The following MACROH2A1 variants were observed in gnomAD, a reference collection of about 807,000 sequenced individuals.
MACROH2A1 encodes the protein core histone macro-H2A.1.
In MACROH2A1, 2 loss-of-function variants were observed where a neutral mutation model predicts 31.6. That is an observed-to-expected ratio of 0.06 (90% CI 0.03 to 0.20). The LOEUF is 0.20. MACROH2A1 is among the 10% of genes least tolerant of loss of function. The pLI, the probability that MACROH2A1 is intolerant of heterozygous loss-of-function variation, is 1.00. For synonymous variants in MACROH2A1, 169 were observed against 189.6 expected, an observed-to-expected ratio of 0.89 and a Z score of 0.89; for missense variants, 230 against 474.0, an observed-to-expected ratio of 0.49 and a Z score of 4.78.
intron 5 of MACROH2A1, 28 bp downstream of exon 5, chr5:135,360,469 A>G: frequency 1.4e-6 from 2 of 1,424,848 alleles, no homozygotes; most frequent in Middle Eastern, 1.8e-4. Flanking sequence ...GGGGCCCTCG[A>G]GTAGACTGAG....
rs150090570 is a variant in MACROH2A1, at chr5:135,338,585, G to A, written c.954-3444C>T. On this transcript the variant is annotated intron_variant, in intron 8 of 8. Transcript: ENST00000511689. The stretch of plus-strand genomic sequence containing the variant: ...CCCCAGAGAGCTGCTGGCCGTGACC[G>A]TGGGCATGCAGCAGCAGGGGCTACA... Among the ~76,000 whole-genome samples the A allele has an allele frequency of 2.4e-3, 370 of 152,318 alleles. 1 individual carries two copies. The highest frequency in any genetic ancestry group is 0.02 in the East Asian group (104 of 5,174).
intron 8 of MACROH2A1, among the ~76,000 whole-genome samples, chr5:135,337,364 A>G (rs1174145136): frequency 6.6e-6 from 1 of 152,144 alleles, no homozygotes; most frequent in Admixed American, 6.5e-5. Context: ...AGCCTGGCCC[A>G]TGCCCATGCC....
In MACROH2A1 at chr5:135,383,700, GGTGTGTGTGTGTGTGTGTGT is replaced by G. The variant is rs61338247; in HGVS notation, c.172+5202_172+5221del. On this transcript the variant is annotated intron_variant, in intron 2 of 8. Coordinates refer to ENST00000511689, the MANE Select transcript of MACROH2A1 (RefSeq NM_138610.3). Reference sequence around the variant, plus strand: ...GTCCCTTTCCTGTGTGATGTGGTGTGGTGTGTGTGTGTGTGTGTGTGTGTGTGTGTGTGTGTGTGTGTGTG... The same window carrying G: ...GTCCCTTTCCTGTGTGATGTGGTGTGGTGTGTGTGTGTGTGTGTGTGTGTG... 4.3e-3 allele frequency among the ~76,000 whole-genome samples: 589 copies of G among 137,220 alleles called. 2 individuals carry two copies. Among genetic ancestry groups the G allele is most frequent in the Middle Eastern group, 7.2e-3 (2 of 278 alleles). The allele number at this position is 137,220 out of a possible 152,430, so 90.0% of individuals were successfully genotyped here.
chr5:135,371,880 A>C (rs1764211604), intron 2 of MACROH2A1, among the ~76,000 whole-genome samples: 1 of 152,146 alleles, frequency 6.6e-6, no homozygotes, highest in African/African-American at 2.4e-5. Context: ...TAGGAAGAAA[A>C]TTCTAGCTGC....
intron 4 of MACROH2A1, chr5:135,360,973 G>A: frequency 2.8e-6 from 1 of 361,204 alleles, no homozygotes. Flanking sequence ...TACTATTCAA[G>A]CTTAAGAAGA....
chr5:135,346,389 G>T, intron 6 of MACROH2A1: 1 of 286,084 alleles, frequency 3.5e-6, no homozygotes. Context: ...CTTTTCATTG[G>T]CATGAGATAC....
At chr5:135,372,943 G>A (rs1049802722) in intron 2 of MACROH2A1, among the ~76,000 whole-genome samples, 6 of 152,340 alleles carry the variant, frequency 3.9e-5, no homozygotes, top group Admixed American at 3.9e-4. Flanking sequence ...GAATATACAG[G>A]AGGAGGCTGA....
intron 1 of MACROH2A1, among the ~76,000 whole-genome samples, chr5:135,393,820 T>G (rs927246720): frequency 6.6e-6 from 1 of 152,230 alleles, no homozygotes; most frequent in Non-Finnish European, 1.5e-5. Flanking sequence ...GTGGTCTTTA[T>G]TTCTGCAACT....
At chr5:135,389,169 G>C (rs369576980) in intron 1 of MACROH2A1, 43 bp from the exon 2 acceptor site, 17 of 1,428,302 alleles carry the variant, frequency 1.2e-5, no homozygotes, top group African/African-American at 8.4e-5. Flanking sequence ...GCTGGGGACA[G>C]CACATGTCCC....
chr5:135,358,189 C>T, intron 5 of MACROH2A1: 2 of 985,152 alleles, frequency 2.0e-6, no homozygotes, highest in South Asian at 9.4e-5. Flanking sequence ...CAGTAATAGC[C>T]AATAAAAAGC....
At chr5:135,386,526 G>C (rs1766425679) in intron 2 of MACROH2A1, among the ~76,000 whole-genome samples, 1 of 152,182 alleles carries the variant, frequency 6.6e-6, no homozygotes, top group South Asian at 2.1e-4. Context: ...GATCTGCTCT[G>C]AGCTACTTTT....
chr5:135,372,663 C>T (rs940825564), intron 2 of MACROH2A1, among the ~76,000 whole-genome samples: 2 of 152,242 alleles, frequency 1.3e-5, no homozygotes, highest in African/African-American at 4.8e-5. Flanking sequence ...CGGGAGAGCA[C>T]ATCCGTAATG....
chr5:135,339,232 C>T (rs1759353508), intron 8 of MACROH2A1, among the ~76,000 whole-genome samples: 1 of 152,200 alleles, frequency 6.6e-6, no homozygotes, highest in South Asian at 2.1e-4. Flanking sequence ...ACCTCAGTTT[C>T]CCAGGGCCAG....
intron 8 of MACROH2A1, among the ~76,000 whole-genome samples, chr5:135,339,853 T>G (rs964587797): frequency 4.6e-5 from 7 of 152,172 alleles, no homozygotes; most frequent in African/African-American, 1.7e-4. Flanking sequence ...CCCCTGCAGC[T>G]AGAGAGGGGA....
intron 8 of MACROH2A1, chr5:135,338,063 C>CAGTT: frequency 9.5e-7 from 1 of 1,051,670 alleles, no homozygotes; most frequent in Non-Finnish European, 1.2e-6. Flanking sequence ...GTCTTGCTGC[C>CAGTT]AGTTAGAATG....
At chr5:135,370,209 A>T in intron 2 of MACROH2A1, 67 bp from the exon 3 acceptor site, 1 of 963,880 alleles carries the variant, frequency 1.0e-6, no homozygotes, top group Non-Finnish European at 1.6e-6. Flanking sequence ...CGGTCCCCAC[A>T]TTCACAGTGC....
At chr5:135,350,589 C>G (rs1434219798) in intron 6 of MACROH2A1, 1 of 463,528 alleles carries the variant, frequency 2.2e-6, no homozygotes, top group Admixed American at 3.8e-5. Flanking sequence ...TCTGCTGAAC[C>G]AGTTTTCAAA....
intron 2 of MACROH2A1, among the ~76,000 whole-genome samples, chr5:135,384,669 C>T (rs1766148124): frequency 1.3e-5 from 2 of 152,332 alleles, no homozygotes; most frequent in Admixed American, 6.5e-5. Context: ...TTACTGGAGA[C>T]TCCCTTCCTC....
At chr5:135,373,048 T>C (rs189874279) in intron 2 of MACROH2A1, among the ~76,000 whole-genome samples, 114 of 152,262 alleles carry the variant, frequency 7.5e-4, no homozygotes, top group Non-Finnish European at 1.3e-3. Context: ...ATGCCCACAG[T>C]GGTGACCTGT....
Sources: allele counts gnomAD v4.1 joint callset (sites outside exome capture counted in the v4.1 genomes callset), GRCh38; gene constraint gnomAD v4.1.1; transcripts MANE v1.5; gene names NCBI Gene and HGNC (gene_info 2026-07-23, HGNC 2026-07-21).